The following ENPP6 variants were observed in gnomAD, a reference collection of about 807,000 sequenced individuals.
The protein encoded by ENPP6 is glycerophosphocholine cholinephosphodiesterase ENPP6.
ENPP6 carries 32 observed loss-of-function variants against 42.0 expected under a neutral mutation model. That is an observed-to-expected ratio of 0.76 (90% CI 0.58 to 1.02). ENPP6 has a LOEUF of 1.02. Among genes scored for constraint, ENPP6 ranks in the 50% least tolerant of loss-of-function variants. The pLI is 0.00. For synonymous variants in ENPP6, 213 were observed against 216.0 expected (o/e 0.99, Z 0.12); for missense variants, 552 against 566.8 (o/e 0.97, Z 0.27).
At chr4:184,211,704 T>C (rs1409945720) in intron 1 of ENPP6, among the ~76,000 whole-genome samples, 2 of 150,466 alleles carry the variant, frequency 1.3e-5, no homozygotes, top group African/African-American at 4.9e-5. Context: ...TTCCAATCAA[T>C]AGAAAAAGAG....
chr4:184,126,701 T>A (rs942677706), intron 2 of ENPP6, among the ~76,000 whole-genome samples: 8 of 152,234 alleles, frequency 5.3e-5, no homozygotes, highest in African/African-American at 1.7e-4. Context: ...ATTCTCTATG[T>A]AAAGCACTGG....
chr4:184,118,824 C>T (rs1736367837), intron 3 of ENPP6, among the ~76,000 whole-genome samples: 1 of 152,172 alleles, frequency 6.6e-6, no homozygotes, highest in South Asian at 2.1e-4. Context: ...ATTGACAGCT[C>T]TAAGGTCCAG....
In ENPP6 at chr4:184,102,494, CACCATAT is replaced by C. The variant is rs1736022422; in HGVS notation, c.994-5133_994-5127del. ...TTGCCCATTCCTTCCTATTTCTCTC[CACCATAT>C]ACAGGAGAATGGTTGCTAAGCTGGG... On this transcript the variant is annotated intron_variant, in intron 6 of 7. Transcript: ENST00000296741. Among the ~76,000 whole-genome samples the C allele has an allele frequency of 5.3e-5, 8 of 152,326 alleles. No individual in the cohort carries two copies. The South Asian group carries it at 1.7e-3, about 32-fold the overall frequency.
chr4:184,094,508 G>A (rs1440141404), intron 7 of ENPP6, among the ~76,000 whole-genome samples: 1 of 152,240 alleles, frequency 6.6e-6, no homozygotes, highest in East Asian at 1.9e-4. Context: ...AAATAATCCA[G>A]GCTGGAATGA....
At chr4:184,155,080 G>C (rs114039948) in intron 1 of ENPP6, among the ~76,000 whole-genome samples, 2,495 of 152,300 alleles carry the variant, frequency 0.016, 39 homozygotes, top group South Asian at 0.037. Flanking sequence ...GGCTGGGTCT[G>C]AGAAGGAGGA....
chr4:184,153,565 T>C lies in ENPP6; in HGVS notation c.410A>G (p.Tyr137Cys). 6.2e-7 allele frequency: 1 copy of C among 1,613,350 alleles called. No homozygotes were observed. Among genetic ancestry groups the C allele is most frequent in the Non-Finnish European group, 8.5e-7 (1 of 1,179,700 alleles). Reference sequence around the variant, plus strand: ...GTTCACACACTCACCTGGCCAGTAGTACATGTAGACCTTCCTTTTGGCCTT... The same window carrying C: ...GTTCACACACTCACCTGGCCAGTAGCACATGTAGACCTTCCTTTTGGCCTT... ...LTKAKRKVYMYYWPGCEVEIL... is the reference protein window; with the variant it reads ...LTKAKRKVYMCYWPGCEVEIL... Residue 137 changes from tyrosine to cysteine, a missense_variant, in exon 2 of 8, where the codon TAC becomes TGC. This residue lies in a region of ENPP6 where 545 missense variants were observed against 546.3 expected (regional missense o/e 1.00). Coordinates refer to ENST00000296741, the MANE Select transcript of ENPP6 (RefSeq NM_153343.4).
At chr4:184,172,396 G>A (rs1737484555) in intron 1 of ENPP6, among the ~76,000 whole-genome samples, 2 of 152,144 alleles carry the variant, frequency 1.3e-5, no homozygotes, top group Non-Finnish European at 2.9e-5. Flanking sequence ...CTAGCTAGCA[G>A]TCAAGCCTCC....
At chr4:184,208,657 T>C (rs940196150) in intron 1 of ENPP6, among the ~76,000 whole-genome samples, 3 of 148,310 alleles carry the variant, frequency 2.0e-5, no homozygotes, top group East Asian at 4.0e-4. Context: ...GCAGCGAGGC[T>C]GGGGGAGGGG....
intron 1 of ENPP6, among the ~76,000 whole-genome samples, chr4:184,189,202 A>G (rs952104971): frequency 6.6e-6 from 1 of 152,182 alleles, no homozygotes; most frequent in African/African-American, 2.4e-5. Context: ...TGGCCATGGA[A>G]GGAAAGGAAG....
chr4:184,178,581 C>G (rs1320375964), intron 1 of ENPP6, among the ~76,000 whole-genome samples: 2 of 152,132 alleles, frequency 1.3e-5, no homozygotes, highest in Non-Finnish European at 2.9e-5. Context: ...TCATCAGATT[C>G]TTCAAGGTCA....
At chr4:184,168,486 G>A (rs556292400) in intron 1 of ENPP6, among the ~76,000 whole-genome samples, 1 of 150,562 alleles carries the variant, frequency 6.6e-6, no homozygotes, top group South Asian at 2.1e-4. Flanking sequence ...GCCTTGCACA[G>A]GAAGCTGGAA....
intron 1 of ENPP6, among the ~76,000 whole-genome samples, chr4:184,174,884 T>C (rs899608567): frequency 6.6e-6 from 1 of 152,244 alleles, no homozygotes; most frequent in Non-Finnish European, 1.5e-5. Context: ...ATGTGGGAGA[T>C]GGAATTCATG....
At chr4:184,133,265 A>T (rs930261797) in intron 2 of ENPP6, among the ~76,000 whole-genome samples, 68 of 152,250 alleles carry the variant, frequency 4.5e-4, no homozygotes, top group Non-Finnish European at 8.2e-4. Context: ...TACTAAGACT[A>T]CCAGTTTATA....
intron 1 of ENPP6, among the ~76,000 whole-genome samples, chr4:184,175,782 G>T (rs571671885): frequency 6.6e-6 from 1 of 152,258 alleles, no homozygotes; most frequent in East Asian, 1.9e-4. Context: ...TGAGAAGAGA[G>T]CCTGGCCATT....
rs1171750939 is a variant in ENPP6, at chr4:184,088,948, T to A, written c.*2229A>T. ...AAAAATGCAAGACTGTGTCTAAGTT[T>A]ATGCCTCTCTTGAGTTTGATGATCC... On this transcript the variant is annotated 3_prime_UTR_variant, in exon 8 of 8. Coordinates refer to ENST00000296741, the MANE Select transcript of ENPP6 (RefSeq NM_153343.4). 1 of 152,250 alleles carries A rather than the reference T, an allele frequency of 6.6e-6. No homozygotes were observed. The highest frequency in any genetic ancestry group is 1.9e-4 in the East Asian group (1 of 5,196). 9.4% of individuals were successfully genotyped at this position (152,250 alleles called of 1,614,324 possible).
intron 6 of ENPP6, 90 bp from the exon 7 acceptor site, chr4:184,097,458 C>T: frequency 1.9e-6 from 3 of 1,559,920 alleles, no homozygotes; most frequent in South Asian, 1.2e-5. Context: ...CACCGGGGGG[C>T]GCTTTCCTCC....
At chr4:184,094,672 T>C (rs1250204956) in intron 7 of ENPP6, among the ~76,000 whole-genome samples, 1 of 152,244 alleles carries the variant, frequency 6.6e-6, no homozygotes, top group East Asian at 1.9e-4. Context: ...GAGAGGTGTG[T>C]CTCTTACAGA....
chr4:184,199,125 G>A (rs1476367544), intron 1 of ENPP6, among the ~76,000 whole-genome samples: 1 of 152,236 alleles, frequency 6.6e-6, no homozygotes, highest in Admixed American at 6.5e-5. Context: ...CACAGATCAC[G>A]CTGCTTGGAA....
At chr4:184,195,622 C>A (rs989933984) in intron 1 of ENPP6, among the ~76,000 whole-genome samples, 10 of 152,218 alleles carry the variant, frequency 6.6e-5, no homozygotes, top group African/African-American at 2.2e-4. Flanking sequence ...GGCAACTCGC[C>A]TTCTACGCTC....
Sources: allele counts gnomAD v4.1 joint callset (sites outside exome capture counted in the v4.1 genomes callset), GRCh38; gene constraint gnomAD v4.1.1; regional missense constraint gnomAD v4.1.1; transcripts MANE v1.5; gene names NCBI Gene and HGNC (gene_info 2026-07-23, HGNC 2026-07-21).